Variants in SASH1 observed in about 807,000 individuals in gnomAD.
SASH1 encodes the protein SAM and SH3 domain-containing protein 1.
Under a neutral mutation model 125.2 loss-of-function variants are expected in SASH1, and 44 were observed. That is an observed-to-expected ratio of 0.35 (90% CI 0.28 to 0.45). The LOEUF is 0.45. Ranked by LOEUF, SASH1 falls within the 20% of genes least tolerant of loss-of-function variation. The pLI is 1.00. For synonymous variants in SASH1, 639 were observed against 649.1 expected, an observed-to-expected ratio of 0.98 and a Z score of 0.24; for missense variants, 1,426 against 1,614.5, an observed-to-expected ratio of 0.88 and a Z score of 2.00.
upstream of SASH1, among the ~76,000 whole-genome samples, chr6:148,271,674 C>G (rs1414845783): frequency 1.3e-5 from 2 of 152,148 alleles, no homozygotes; most frequent in Non-Finnish European, 2.9e-5. Flanking sequence ...GAGTTTGAAG[C>G]CTGGCATATC....
the SASH1 span, among the ~76,000 whole-genome samples, chr6:148,260,722 T>C: frequency 6.6e-6 from 1 of 151,196 alleles, no homozygotes; most frequent in East Asian, 1.9e-4. Context: ...GATATATAAA[T>C]ATAATAACAT....
chr6:148,263,109 C>T, the SASH1 span, among the ~76,000 whole-genome samples: 9 of 152,190 alleles, frequency 5.9e-5, no homozygotes, highest in Non-Finnish European at 1.0e-4. Context: ...GGCAGGCAGA[C>T]TCCTTGGCAG....
intron 4 of SASH1, among the ~76,000 whole-genome samples, chr6:148,455,738 G>A (rs1414775172): frequency 6.6e-6 from 1 of 152,226 alleles, no homozygotes; most frequent in Non-Finnish European, 1.5e-5. Flanking sequence ...GCAGGGGAAG[G>A]CTGAAGTGGT....
chr6:148,263,441 A>G, the SASH1 span, among the ~76,000 whole-genome samples: 1 of 152,228 alleles, frequency 6.6e-6, no homozygotes, highest in African/African-American at 2.4e-5. Flanking sequence ...CCTTGAGTTC[A>G]GTCAGAAAGC....
chr6:148,284,666 A>G (rs974576065), intron 1 of SASH1, among the ~76,000 whole-genome samples: 16 of 152,334 alleles, frequency 1.1e-4, no homozygotes, highest in Middle Eastern at 3.4e-3. Flanking sequence ...GAACCATTAC[A>G]AACTCTTTGA....
At chr6:148,538,177 A>G (rs1479687056) in intron 16 of SASH1, among the ~76,000 whole-genome samples, 1 of 152,044 alleles carries the variant, frequency 6.6e-6, no homozygotes, top group Non-Finnish European at 1.5e-5. Flanking sequence ...CTCCAAAATA[A>G]TTTCAGGTAT....
At chr6:148,387,802 G>A (rs563336217) in intron 1 of SASH1, among the ~76,000 whole-genome samples, 2 of 150,624 alleles carry the variant, frequency 1.3e-5, no homozygotes, top group African/African-American at 2.4e-5. Context: ...GCAATAGTGC[G>A]ATCTCTGCTT....
At position 148,446,088 on chromosome 6, in the gene SASH1, C is replaced by CTTTTTTTTTTTTTTTTTTTTTTTT. The variant is rs576798745; in HGVS notation, c.386+5696_386+5719dup. Reference sequence around the variant, plus strand: ...TTGCTATCCTGAACAACATAGGGTTCTTTTTTTTTTTTTTTTTTTTTTTTT... The same window carrying CTTTTTTTTTTTTTTTTTTTTTTTT: ...TTGCTATCCTGAACAACATAGGGTTCTTTTTTTTTTTTTTTTTTTTTTTTTTTTTTTTTTTTTTTTTTTTTTTTT... On this transcript the variant is annotated intron_variant, in intron 4 of 19. Coordinates refer to ENST00000367467, the MANE Select transcript of SASH1 (RefSeq NM_015278.5). 4.2e-5 allele frequency among the ~76,000 whole-genome samples: 3 copies of CTTTTTTTTTTTTTTTTTTTTTTTT among 71,002 alleles called. 1 individual carries two copies. Among genetic ancestry groups the CTTTTTTTTTTTTTTTTTTTTTTTT allele is most frequent in the Admixed American group, 3.9e-4 (2 of 5,082 alleles). 46.6% of individuals were successfully genotyped at this position (71,002 alleles called of 152,430 possible).
At chr6:148,513,600 G>T in intron 8 of SASH1, 2 of 985,674 alleles carry the variant, frequency 2.0e-6, no homozygotes, top group African/African-American at 3.5e-5. Flanking sequence ...AAAACAGCTG[G>T]GCCTGAGCAT....
At chr6:148,399,240 T>G (rs970783504) in intron 2 of SASH1, among the ~76,000 whole-genome samples, 2 of 116,394 alleles carry the variant, frequency 1.7e-5, no homozygotes, top group South Asian at 5.9e-4. Flanking sequence ...TTTTTTTTTT[T>G]GAGTTTCACT....
At chr6:148,525,386 G>A (rs769218069) in intron 11 of SASH1, 21 bp downstream of exon 11, 1 of 1,580,132 alleles carries the variant, frequency 6.3e-7, no homozygotes, top group Non-Finnish European at 8.7e-7. Context: ...TCAGAGGAAA[G>A]CAAAAAATAT....
the SASH1 span, among the ~76,000 whole-genome samples, chr6:148,207,157 C>T: frequency 3.3e-5 from 5 of 152,186 alleles, no homozygotes; most frequent in African/African-American, 7.2e-5. Context: ...CCTGATTTTC[C>T]ATGTCCTCCA....
In SASH1 at chr6:148,390,268, T is replaced by TGG; in HGVS notation, c.285+10_285+11dup. The TGG allele has an allele frequency of 6.2e-7, 1 of 1,609,098 alleles. No individual in the cohort carries two copies. Among genetic ancestry groups the TGG allele is most frequent in the Non-Finnish European group, 8.5e-7 (1 of 1,178,306 alleles). On this transcript the variant is annotated splice_region_variant and intron_variant, in intron 2 of 19. Coordinates refer to ENST00000367467, the MANE Select transcript of SASH1 (RefSeq NM_015278.5). ...TTTCCCAGGACCTGGAAGTGGTGAG[T>TGG]GGGGGTCCTGGGAATATGCTTCTGT...
At chr6:148,489,874 GTGTGTGTGTGTGTA>G (rs1229328902) in intron 8 of SASH1, among the ~76,000 whole-genome samples, 9 of 150,822 alleles carry the variant, frequency 6.0e-5, no homozygotes, top group South Asian at 2.1e-4. Flanking sequence ...GTGTGTGTGT[GTGTGTGTGTGTGTA>G]TAGTGTTAGG....
chr6:148,334,790 C>G lies in SASH1; in HGVS notation n.75-55344C>G, dbSNP rs185489312. Reference sequence around the variant, plus strand: ...TCGCACCACTGCACTCCAGCCTGGGCAACAGAGCAACACTCCATCTCAGGG... The same window carrying G: ...TCGCACCACTGCACTCCAGCCTGGGGAACAGAGCAACACTCCATCTCAGGG... On this transcript the variant is annotated intron_variant and non_coding_transcript_variant, in intron 1 of 3. Transcript: ENST00000367469. 4.0e-3 allele frequency among the ~76,000 whole-genome samples: 599 copies of G among 150,948 alleles called. 4 individuals are homozygous for G. The highest frequency in any genetic ancestry group is 7.4e-3 in the Non-Finnish European group (502 of 67,706).
intron 8 of SASH1, chr6:148,514,108 G>A: frequency 7.7e-7 from 1 of 1,297,970 alleles, no homozygotes; most frequent in Non-Finnish European, 9.7e-7. Flanking sequence ...GGGCAAGGAT[G>A]TGTGTTTCCG....
At position 148,525,382 on chromosome 6, in the gene SASH1, G is replaced by C; in HGVS notation, c.1284+17G>C. On this transcript the variant is annotated intron_variant, in intron 11 of 19. Transcript: ENST00000367467. ...GACCCAATGGTGAGTAACATCAGAG[G>C]AAAGCAAAAAATATGGATTCAGGCG... The C allele has an allele frequency of 2.5e-6, 4 of 1,595,522 alleles. No individual in the cohort carries two copies. Among genetic ancestry groups the C allele is most frequent in the Non-Finnish European group, 3.4e-6 (4 of 1,163,492 alleles).
chr6:148,490,585 T>C (rs982228552), intron 8 of SASH1, among the ~76,000 whole-genome samples: 2 of 152,214 alleles, frequency 1.3e-5, no homozygotes, highest in African/African-American at 2.4e-5. Flanking sequence ...TCACGTATTA[T>C]ATAGTTGTGT....
chr6:148,221,698 A>G, the SASH1 span, among the ~76,000 whole-genome samples: 3 of 152,236 alleles, frequency 2.0e-5, no homozygotes, highest in Non-Finnish European at 4.4e-5. Context: ...AGCCCAGAGC[A>G]TAATTTTCCC....
Sources: gnomAD v4.1 joint callset for allele counts (sites outside exome capture counted in the v4.1 genomes callset) on GRCh38, gnomAD v4.1.1 for gene constraint, MANE v1.5 for transcripts, NCBI Gene and HGNC (gene_info 2026-07-23, HGNC 2026-07-21) for gene names.